Variants in SPOCK1 observed in about 807,000 individuals in gnomAD.
SPOCK1 encodes testican-1.
A neutral mutation model predicts 55.3 loss-of-function variants in SPOCK1; 23 were observed. That is an observed-to-expected ratio of 0.42 (90% CI 0.30 to 0.59). The LOEUF is 0.59. SPOCK1 is among the 20% of genes least tolerant of loss of function. The pLI is 0.22. For synonymous variants in SPOCK1, 226 were observed against 221.0 expected (o/e 1.02, Z -0.20); for missense variants, 499 against 552.5 (o/e 0.90, Z 0.97).
chr5:137,306,550 A>G (rs1757703741), intron 2 of SPOCK1, among the ~76,000 whole-genome samples: 1 of 152,238 alleles, frequency 6.6e-6, no homozygotes, highest in Non-Finnish European at 1.5e-5. Context: ...TGCTAGAGGA[A>G]AGACTGAATT....
chr5:137,221,057 T>C (rs1443372231), intron 3 of SPOCK1, among the ~76,000 whole-genome samples: 1 of 152,130 alleles, frequency 6.6e-6, no homozygotes, highest in African/African-American at 2.4e-5. Flanking sequence ...GTGTCTCACT[T>C]TGAGAAAAAC....
intron 2 of SPOCK1, among the ~76,000 whole-genome samples, chr5:137,443,810 A>G (rs1437446383): frequency 6.6e-6 from 1 of 152,130 alleles, no homozygotes; most frequent in Non-Finnish European, 1.5e-5. Flanking sequence ...GCCTCCAGGC[A>G]TGCTCCTGTC....
chr5:137,202,910 T>G (rs1755451745), intron 3 of SPOCK1, among the ~76,000 whole-genome samples: 1 of 152,244 alleles, frequency 6.6e-6, no homozygotes, highest in Admixed American at 6.5e-5. Context: ...TATGTTACTT[T>G]AAGAACATCA....
chr5:137,461,054 G>A (rs1406521), intron 2 of SPOCK1, among the ~76,000 whole-genome samples: 4,092 of 152,266 alleles, frequency 0.027, 182 homozygotes, highest in African/African-American at 0.094. Context: ...ATATATGTAC[G>A]TGGTTGGTTT....
chr5:136,991,871 TGGCGGGA>T (rs1750954864), intron 7 of SPOCK1, among the ~76,000 whole-genome samples: 1 of 152,160 alleles, frequency 6.6e-6, no homozygotes, highest in East Asian at 1.9e-4. Context: ...CACCTGATGC[TGGCGGGA>T]GGCTCCTTGA....
intron 5 of SPOCK1, among the ~76,000 whole-genome samples, chr5:137,084,341 G>A (rs1051266105): frequency 1.3e-5 from 2 of 151,972 alleles, no homozygotes; most frequent in African/African-American, 4.8e-5. Flanking sequence ...CTGCAGAGTG[G>A]TGTGGGAATT....
rs192988343 is a variant in SPOCK1, at chr5:137,107,597, C to A, written c.474+4838G>T. ...CTCTGTGCCTTTCTGTGCACTTTATCTTTGATCCTGGGGGAGTCACACAGC... is the reference window on the plus strand; with the variant it reads ...CTCTGTGCCTTTCTGTGCACTTTATATTTGATCCTGGGGGAGTCACACAGC... On this transcript the variant is annotated intron_variant, in intron 5 of 10. Coordinates refer to ENST00000394945, the MANE Select transcript of SPOCK1 (RefSeq NM_004598.4). Among the ~76,000 whole-genome samples, 316 of 152,308 alleles carry A rather than the reference C, an allele frequency of 2.1e-3. 2 individuals are homozygous for A. The highest frequency in any genetic ancestry group is 6.9e-3 in the African/African-American group (287 of 41,570).
intron 5 of SPOCK1, among the ~76,000 whole-genome samples, chr5:137,098,200 GGA>G (rs34523123): frequency 0.38 from 57,735 of 152,014 alleles, 11,457 homozygotes; most frequent in African/African-American, 0.49. Context: ...CAAGGAAACT[GGA>G]GAGCATAGGA....
At chr5:137,121,733 C>T (rs1753687982) in intron 4 of SPOCK1, among the ~76,000 whole-genome samples, 1 of 145,884 alleles carries the variant, frequency 6.9e-6, no homozygotes, top group Admixed American at 6.9e-5. Flanking sequence ...TATTCCTGGA[C>T]ATCATATAAG....
At chr5:137,374,994 A>G (rs1187532301) in intron 2 of SPOCK1, among the ~76,000 whole-genome samples, 4 of 152,106 alleles carry the variant, frequency 2.6e-5, no homozygotes, top group Non-Finnish European at 5.9e-5. Flanking sequence ...ACTCTCCCCC[A>G]TCTCAGTTGC....
intron 3 of SPOCK1, among the ~76,000 whole-genome samples, chr5:137,224,359 C>T (rs1423731054): frequency 1.3e-5 from 2 of 152,332 alleles, no homozygotes; most frequent in South Asian, 2.1e-4. Flanking sequence ...TATACACATA[C>T]ATTGTGACTT....
intron 2 of SPOCK1, among the ~76,000 whole-genome samples, chr5:137,366,614 A>T (rs1308456786): frequency 6.6e-6 from 1 of 152,212 alleles, no homozygotes; most frequent in African/African-American, 2.4e-5. Context: ...ATGGTGTAGG[A>T]CTACATTCAG....
At chr5:137,263,954 C>T (rs1224477235) in intron 3 of SPOCK1, among the ~76,000 whole-genome samples, 1 of 152,170 alleles carries the variant, frequency 6.6e-6, no homozygotes, top group Non-Finnish European at 1.5e-5. Flanking sequence ...GCACTCGCTC[C>T]ATGAAGCCCT....
chr5:137,021,612 T>G (rs976584605), intron 6 of SPOCK1, among the ~76,000 whole-genome samples: 1 of 152,358 alleles, frequency 6.6e-6, no homozygotes, highest in Middle Eastern at 3.4e-3. Flanking sequence ...CTGTGTTTCA[T>G]TAAGGTAGTT....
chr5:137,090,829 G>T (rs1753038992), intron 5 of SPOCK1, among the ~76,000 whole-genome samples: 1 of 152,106 alleles, frequency 6.6e-6, no homozygotes, highest in African/African-American at 2.4e-5. Flanking sequence ...GATACAACTT[G>T]ATTCTCCTGA....
intron 6 of SPOCK1, among the ~76,000 whole-genome samples, chr5:137,024,324 G>GGGGGGGGA (rs1751631563): frequency 7.1e-6 from 1 of 141,686 alleles, no homozygotes; most frequent in Non-Finnish European, 1.5e-5. Flanking sequence ...AGGGGGGGGG[G>GGGGGGGGA]TAGTTACAAC....
At chr5:137,057,368 G>A (rs980249649) in intron 6 of SPOCK1, among the ~76,000 whole-genome samples, 1 of 152,154 alleles carries the variant, frequency 6.6e-6, no homozygotes, top group Non-Finnish European at 1.5e-5. Context: ...TGTTTTGGTT[G>A]CAGCTCTAAC....
At chr5:137,067,270 A>G (rs1457263735) in intron 6 of SPOCK1, among the ~76,000 whole-genome samples, 1 of 152,154 alleles carries the variant, frequency 6.6e-6, no homozygotes, top group East Asian at 1.9e-4. Flanking sequence ...CTGCCTTACA[A>G]GCAGAATATA....
At chr5:137,183,275 C>A (rs577298234) in intron 3 of SPOCK1, among the ~76,000 whole-genome samples, 1 of 152,170 alleles carries the variant, frequency 6.6e-6, no homozygotes, top group South Asian at 2.1e-4. Context: ...TGGTATGAAG[C>A]AACATGCATG....
Sources: allele counts gnomAD v4.1 joint callset (sites outside exome capture counted in the v4.1 genomes callset), GRCh38; gene constraint gnomAD v4.1.1; transcripts MANE v1.5; gene names NCBI Gene and HGNC (gene_info 2026-07-23, HGNC 2026-07-21).